Variants in RAD51C observed in about 807,000 individuals in gnomAD.
RAD51C encodes DNA repair protein RAD51 homolog 3.
Under a neutral mutation model 45.0 loss-of-function variants are expected in RAD51C, and 42 were observed. The ratio of observed to expected loss-of-function variants is 0.93; its 90% CI spans 0.73 to 1.21. RAD51C has a LOEUF of 1.21. Among genes scored for constraint, RAD51C ranks in the 50% most tolerant of loss-of-function variants. The probability of loss-of-function intolerance (pLI) is 0.00; values close to 1 mark genes in which losing one functional copy is unlikely to be tolerated. For missense variants in RAD51C, 474 were observed against 452.2 expected (o/e 1.05, Z -0.44); for synonymous variants, 172 against 159.8 (o/e 1.08, Z -0.58).
chr17:58,716,213 A>G (rs900697023), intron 5 of RAD51C, among the ~76,000 whole-genome samples: 1 of 152,120 alleles, frequency 6.6e-6, no homozygotes, highest in East Asian at 1.9e-4. Context: ...TATAATTGCT[A>G]TATAAATATT....
chr17:58,697,063 C>T (rs1365831019), intron 3 of RAD51C, among the ~76,000 whole-genome samples: 4 of 152,140 alleles, frequency 2.6e-5, no homozygotes, highest in African/African-American at 4.8e-5. Flanking sequence ...TTTTATGGCC[C>T]TCACTTCTTC....
rs1555599087 is a variant in RAD51C, at chr17:58,709,852, T to C, written c.706-7T>C. 4 of 1,601,446 alleles carry C rather than the reference T, an allele frequency of 2.5e-6. No homozygotes were observed. Among genetic ancestry groups the C allele is most frequent in the Non-Finnish European group, 3.4e-6 (4 of 1,168,610 alleles). ...AACAAATCTAATATTATCTCTTCTG[T>C]ATTTAGGTTCGACTAGTGATAGTGG... On this transcript the variant is annotated splice_region_variant and splice_polypyrimidine_tract_variant and intron_variant, in intron 4 of 8. Transcript: ENST00000337432.
chr17:58,710,317 TAAAAAAAAAAAA>T (rs71143280), intron 5 of RAD51C, among the ~76,000 whole-genome samples: 2 of 67,418 alleles, frequency 3.0e-5, no homozygotes, highest in Non-Finnish European at 5.4e-5. Context: ...CTGTCTCTAC[TAAAAAAAAAAAA>T]AAAAAAAAAA....
chr17:58,720,673 A>C (rs1334655978), intron 5 of RAD51C, 73 bp from the exon 6 acceptor site: 22 of 1,183,718 alleles, frequency 1.9e-5, no homozygotes, highest in Non-Finnish European at 2.5e-5. Flanking sequence ...GGGTTTCACA[A>C]TCTTGGCCAG....
At chr17:58,695,754 C>CA (rs2047981103) in intron 2 of RAD51C, among the ~76,000 whole-genome samples, 1 of 150,736 alleles carries the variant, frequency 6.6e-6, no homozygotes, top group Non-Finnish European at 1.5e-5. Context: ...CACTGGGCAG[C>CA]AGAGTGAGAC....
At chr17:58,715,539 CTTTCTG>C (rs909309915) in intron 5 of RAD51C, among the ~76,000 whole-genome samples, 4 of 150,616 alleles carry the variant, frequency 2.7e-5, no homozygotes, top group Non-Finnish European at 5.9e-5. Flanking sequence ...CACTAGTATG[CTTTCTG>C]TTTCTGTGAA....
chr17:58,695,277 G>C, intron 2 of RAD51C, 88 bp downstream of exon 2: 1 of 1,489,620 alleles, frequency 6.7e-7, no homozygotes, highest in African/African-American at 1.4e-5. Context: ...AACCAAATAA[G>C]ATATATATGT....
intron 4 of RAD51C, among the ~76,000 whole-genome samples, chr17:58,705,035 A>G (rs951655915): frequency 3.3e-5 from 5 of 151,776 alleles, no homozygotes; most frequent in African/African-American, 1.2e-4. Context: ...GGAGGCTGAG[A>G]CAGGAGAATC....
rs994883543 is a variant in RAD51C at position 58,695,281 on chromosome 17, T to C, written c.404+92T>C. On this transcript the variant is annotated intron_variant, in intron 2 of 8. Coordinates refer to ENST00000337432, the MANE Select transcript of RAD51C (RefSeq NM_058216.3). ...TATCGTCAGGAAACCAAATAAGATATATATGTGCTCTTAATTTTAAGTGTG... is the reference window on the plus strand; with the variant it reads ...TATCGTCAGGAAACCAAATAAGATACATATGTGCTCTTAATTTTAAGTGTG... 55 of 1,483,520 alleles carry C rather than the reference T, an allele frequency of 3.7e-5. No homozygotes were observed. The highest frequency in any genetic ancestry group is 4.7e-5 in the Non-Finnish European group (53 of 1,124,396). The allele number at this position is 1,483,520 out of a possible 1,614,324, so 91.9% of individuals were successfully genotyped here. A position where few individuals can be genotyped will look rare whatever the true frequency, so the allele number is the denominator to read the frequency against.
At chr17:58,719,287 A>G (rs2048837987) in intron 5 of RAD51C, among the ~76,000 whole-genome samples, 1 of 151,984 alleles carries the variant, frequency 6.6e-6, no homozygotes, top group Non-Finnish European at 1.5e-5. Context: ...ATCATGGCTC[A>G]CTGCTGCTTC....
chr17:58,716,582 C>T (rs564139868), intron 5 of RAD51C, among the ~76,000 whole-genome samples: 1 of 148,888 alleles, frequency 6.7e-6, no homozygotes, highest in Admixed American at 6.8e-5. Context: ...CCTCCCTCAG[C>T]CTCCCTAGTA....
chr17:58,733,603 T>G (rs980849814), intron 8 of RAD51C, among the ~76,000 whole-genome samples: 9 of 152,242 alleles, frequency 5.9e-5, no homozygotes, highest in African/African-American at 2.2e-4. Flanking sequence ...TCTGTGCGTG[T>G]GTATGCAAGG....
Position 58,734,505 on chromosome 17 carries a change from A to G in RAD51C, c.*283A>G, listed in dbSNP as rs117954900. The G allele has an allele frequency of 2.6e-4, 121 of 473,602 alleles. No individual in the cohort carries two copies. The East Asian group carries it at 4.6e-3, about 18-fold the overall frequency. 29.3% of individuals were successfully genotyped at this position (473,602 alleles called of 1,614,324 possible). A position where few individuals can be genotyped will look rare whatever the true frequency, so the allele number is the denominator to read the frequency against. On this transcript the variant is annotated 3_prime_UTR_variant, in exon 9 of 9. Transcript: ENST00000337432. ...AGCTGATCTCATGTGGCCAGTCTGA[A>G]TTTACCATTCATACTGTTTTCACCC...
At chr17:58,712,797 C>T (rs796154324) in intron 5 of RAD51C, among the ~76,000 whole-genome samples, 7 of 148,330 alleles carry the variant, frequency 4.7e-5, no homozygotes, top group African/African-American at 1.7e-4. Flanking sequence ...CCAGCCTGGG[C>T]GACAGAGCAA....
At chr17:58,707,747 A>G (rs551152398) in intron 4 of RAD51C, among the ~76,000 whole-genome samples, 135 of 152,264 alleles carry the variant, frequency 8.9e-4, no homozygotes, top group African/African-American at 3.0e-3. Flanking sequence ...CAAAAATACT[A>G]TAGTCTGAGT....
At position 58,694,843 on chromosome 17, in the gene RAD51C, G is replaced by T. The variant is rs1045005083; in HGVS notation, c.146-88G>T. The T allele has an allele frequency of 1.0e-4, 125 of 1,229,786 alleles. 1 individual carries two copies. In the African/African-American group the frequency reaches 1.7e-3, roughly 16 times the overall value. The allele number at this position is 1,229,786 out of a possible 1,614,324, so 76.2% of individuals were successfully genotyped here. ...TTTCTCCACTCCTAGCATCACTGTT[G>T]TCTACAAATTAATAAAGACAATCGA... On this transcript the variant is annotated intron_variant, in intron 1 of 8. Coordinates refer to ENST00000337432, the MANE Select transcript of RAD51C (RefSeq NM_058216.3).
At chr17:58,731,291 T>C (rs2042443522) in intron 7 of RAD51C, among the ~76,000 whole-genome samples, 1 of 146,840 alleles carries the variant, frequency 6.8e-6, no homozygotes, top group Non-Finnish European at 1.5e-5. Context: ...GGAGTTTCAC[T>C]CTTTTTTGCC....
At position 58,710,118 on chromosome 17, in the gene RAD51C, G is replaced by A. The variant is rs1975354706; in HGVS notation, c.837+128G>A. On this transcript the variant is annotated intron_variant, in intron 5 of 8. Transcript: ENST00000337432. ...GACATGCAGTTTTGAGTAAAGTTAC[G>A]TTTGGTTGGTTTCCATTAAAAAATT... 22 of 1,077,520 alleles carry A rather than the reference G, an allele frequency of 2.0e-5. 1 individual carries two copies. In the South Asian group the frequency reaches 2.3e-4, roughly 11 times the overall value. 66.7% of individuals were successfully genotyped at this position (1,077,520 alleles called of 1,614,324 possible).
rs1177043110 is a variant in RAD51C, at chr17:58,703,305, A to G, written c.681A>G (p.Pro227=). 6.2e-7 allele frequency: 1 copy of G among 1,612,150 alleles called. No individual in the cohort carries two copies. Among genetic ancestry groups the G allele is most frequent in the Non-Finnish European group, 8.5e-7 (1 of 1,178,434 alleles). Residue 227 remains proline, a synonymous_variant, in exon 4 of 9, where the codon CCA becomes CCG. Coordinates refer to ENST00000337432, the MANE Select transcript of RAD51C (RefSeq NM_058216.3). Reference sequence around the variant, plus strand: ...TACTGGCACAAGTTTATCTTCTTCCAGATTTCCTTTCAGAACACTCAAAGG... The same window carrying G: ...TACTGGCACAAGTTTATCTTCTTCCGGATTTCCTTTCAGAACACTCAAAGG... ...TELLAQVYLL[P]DFLSEHSKVR...
Sources: allele counts gnomAD v4.1 joint callset (sites outside exome capture counted in the v4.1 genomes callset), GRCh38; gene constraint gnomAD v4.1.1; transcripts MANE v1.5; gene names NCBI Gene and HGNC (gene_info 2026-07-23, HGNC 2026-07-21).